The following PAX2 variants were observed in gnomAD, a reference collection of about 807,000 sequenced individuals.
The protein encoded by PAX2 is paired box 2.
In PAX2, 9 loss-of-function variants were observed where a neutral mutation model predicts 41.7. The observed-to-expected ratio is 0.22, with a 90% CI of 0.13 to 0.38. The LOEUF is 0.38. Among genes scored for constraint, PAX2 ranks in the 10% least tolerant of loss-of-function variants. The pLI is 1.00. For missense variants in PAX2, 418 were observed against 531.6 expected (o/e 0.79, Z 2.10); for synonymous variants, 221 against 212.7 (o/e 1.04, Z -0.34).
chr10:100,750,015 C>A lies in PAX2; in HGVS notation c.212+101C>A. On this transcript the variant is annotated intron_variant, in intron 2 of 9. Coordinates refer to ENST00000355243, the MANE Select transcript of PAX2 (RefSeq NM_000278.5). The surrounding 1 kb of genome is among the most constrained non-coding windows in gnomAD (Gnocchi z 4.1). Reference sequence around the variant, plus strand: ...GTGGCTAAAAGTCCAGCGTGCCAAGCCAGAGAGGGAGATCCCCAAAGGGGT... The same window carrying A: ...GTGGCTAAAAGTCCAGCGTGCCAAGACAGAGAGGGAGATCCCCAAAGGGGT... The A allele has an allele frequency of 7.3e-7, 1 of 1,362,310 alleles. No individual in the cohort carries two copies. Among genetic ancestry groups the A allele is most frequent in the Non-Finnish European group, 1.0e-6 (1 of 990,166 alleles). The allele number at this position is 1,362,310 out of a possible 1,614,324, so 84.4% of individuals were successfully genotyped here.
chr10:100,804,698 C>T (rs905510633), intron 5 of PAX2, among the ~76,000 whole-genome samples: 2 of 152,156 alleles, frequency 1.3e-5, no homozygotes, highest in Admixed American at 1.3e-4. Context: ...CACGCAGACC[C>T]TTGTTTATCT....
Position 100,806,423 on chromosome 10 carries a change from T to C in PAX2, c.617-7T>C. On this transcript the variant is annotated splice_region_variant and splice_polypyrimidine_tract_variant and intron_variant, in intron 5 of 9. Coordinates refer to ENST00000355243, the MANE Select transcript of PAX2 (RefSeq NM_000278.5). ...GCTAACGCCCCGAGTGTCCATGTGT[T>C]CTCCAGATGTGTCTGAGGGCTCAGT... is the stretch of plus-strand genomic sequence containing the variant. 6.2e-7 allele frequency: 1 copy of C among 1,614,168 alleles called. No individual in the cohort carries two copies. Among genetic ancestry groups the C allele is most frequent in the Non-Finnish European group, 8.5e-7 (1 of 1,179,986 alleles).
At chr10:100,809,872 G>C (rs1364480293) in intron 7 of PAX2, among the ~76,000 whole-genome samples, 2 of 152,212 alleles carry the variant, frequency 1.3e-5, no homozygotes, top group African/African-American at 4.8e-5. Flanking sequence ...ATGGCCAGGA[G>C]CCCCTACAAA....
Position 100,827,926 on chromosome 10 carries a change from G to C in PAX2, c.*307G>C, listed in dbSNP as rs1284451601. On this transcript the variant is annotated 3_prime_UTR_variant, in exon 10 of 10. Transcript: ENST00000355243. This position sits in a 1 kb window ranked among gnomAD's most constrained non-coding sequence, Gnocchi z 8.5. ...AGGGGGATTCGGCCCAGCTCGTCCC[G>C]GCCTCCACCAAGCCAGCCCCGAAGC... 2.6e-6 allele frequency: 1 copy of C among 383,590 alleles called. No individual in the cohort carries two copies. The allele number at this position is 383,590 out of a possible 1,614,324, so 23.8% of individuals were successfully genotyped here. A position where few individuals can be genotyped will look rare whatever the true frequency, so the allele number is the denominator to read the frequency against.
At chr10:100,740,985 C>A (rs916671959), upstream of PAX2, among the ~76,000 whole-genome samples, 11 of 152,340 alleles carry the variant, frequency 7.2e-5, no homozygotes, top group African/African-American at 2.6e-4. Flanking sequence ...GCGGTAGCCA[C>A]CTGGCTGGCC....
intron 3 of PAX2, among the ~76,000 whole-genome samples, chr10:100,754,328 G>C (rs1564709117): frequency 6.6e-6 from 1 of 152,140 alleles, no homozygotes. Flanking sequence ...ATCCCCCGAG[G>C]GTGCTCTTTT....
Position 100,746,154 on chromosome 10 carries a change from A to G in PAX2, c.-107A>G, listed in dbSNP as rs1212130570. On this transcript the variant is annotated 5_prime_UTR_variant, in exon 1 of 10. Transcript: ENST00000355243. ...CCCCGCAGCAGCCGGGCGTTCACTC[A>G]TCCTCCCTCCCCCACCGTCCCTCCC... 6 of 1,525,012 alleles carry G rather than the reference A, an allele frequency of 3.9e-6. No homozygotes were observed. The East Asian group carries it at 1.4e-4, about 37-fold the overall frequency. The allele number at this position is 1,525,012 out of a possible 1,614,324, so 94.5% of individuals were successfully genotyped here.
upstream of PAX2, among the ~76,000 whole-genome samples, chr10:100,742,835 C>CTTCTTTTTTTT (rs1845011267): frequency 1.7e-5 from 1 of 59,112 alleles, no homozygotes; most frequent in Non-Finnish European, 3.6e-5. Flanking sequence ...CTTTCCTCTT[C>CTTCTTTTTTTT]TTTCTTCCTT....
intron 3 of PAX2, among the ~76,000 whole-genome samples, chr10:100,764,602 G>C (rs1253091491): frequency 6.6e-6 from 1 of 152,154 alleles, no homozygotes; most frequent in African/African-American, 2.4e-5. Flanking sequence ...GACCCTCTAT[G>C]ATTCAGTAAT....
intron 5 of PAX2, among the ~76,000 whole-genome samples, chr10:100,794,159 G>A (rs1847239170): frequency 1.3e-5 from 2 of 152,186 alleles, no homozygotes; most frequent in Non-Finnish European, 2.9e-5. Context: ...CAACAGTTCT[G>A]CCTGAAAGGC....
chr10:100,821,558 A>G (rs74152689), intron 7 of PAX2, among the ~76,000 whole-genome samples: 1,594 of 152,364 alleles, frequency 0.01, 30 homozygotes, highest in African/African-American at 0.036. Flanking sequence ...TTCAGCATGC[A>G]AAAGTTCCTA....
intron 6 of PAX2, among the ~76,000 whole-genome samples, chr10:100,808,876 C>T (rs1394908122): frequency 6.6e-6 from 1 of 152,164 alleles, no homozygotes; most frequent in African/African-American, 2.4e-5. Context: ...AGGGTGCTGG[C>T]ATTAAGTGCC....
chr10:100,812,129 G>A (rs992138900), intron 7 of PAX2, among the ~76,000 whole-genome samples: 5 of 152,210 alleles, frequency 3.3e-5, no homozygotes, highest in Admixed American at 3.3e-4. Flanking sequence ...CCGGAGGCTA[G>A]GGCTCAGCCC....
chr10:100,746,136 G>A lies in PAX2; in HGVS notation c.-125G>A, dbSNP rs1346787072. ...GCCCCCCGCCCCCGCGCGCCCCGCA[G>A]CAGCCGGGCGTTCACTCATCCTCCC... On this transcript the variant is annotated 5_prime_UTR_variant, in exon 1 of 10. Coordinates refer to ENST00000355243, the MANE Select transcript of PAX2 (RefSeq NM_000278.5). The A allele has an allele frequency of 9.2e-6, 14 of 1,523,990 alleles. No homozygotes were observed. Among genetic ancestry groups the A allele is most frequent in the Admixed American group, 5.4e-5 (3 of 55,824 alleles). The allele number at this position is 1,523,990 out of a possible 1,614,324, so 94.4% of individuals were successfully genotyped here.
chr10:100,740,261 G>A (rs1844906165), intron 1 of PAX2, among the ~76,000 whole-genome samples: 1 of 152,174 alleles, frequency 6.6e-6, no homozygotes, highest in African/African-American at 2.4e-5. Context: ...CCCGGCTGTT[G>A]GTGGTGGTGG....
intron 3 of PAX2, among the ~76,000 whole-genome samples, chr10:100,759,116 C>T (rs1034283696): frequency 3.9e-5 from 6 of 152,078 alleles, no homozygotes; most frequent in African/African-American, 1.4e-4. Context: ...GCAAGGGGAG[C>T]TTGGATTTGC....
At chr10:100,809,545 A>G (rs543347855) in intron 7 of PAX2, among the ~76,000 whole-genome samples, 3 of 152,316 alleles carry the variant, frequency 2.0e-5, no homozygotes, top group South Asian at 4.1e-4. Flanking sequence ...GCCCAGAATC[A>G]TGAGCCTCTT....
In PAX2 at chr10:100,748,284, G is replaced by C; in HGVS notation, c.44-1462G>C. 3.0e-6 allele frequency: 3 copies of C among 985,076 alleles called. No homozygotes were observed. Among genetic ancestry groups the C allele is most frequent in the Non-Finnish European group, 3.6e-6 (3 of 829,750 alleles). 61.0% of individuals were successfully genotyped at this position (985,076 alleles called of 1,614,324 possible). On this transcript the variant is annotated intron_variant, in intron 1 of 9. Transcript: ENST00000355243. The surrounding 1 kb of genome is among the most constrained non-coding windows in gnomAD (Gnocchi z 5.0). ...CTAAATTATTGATGGTCGGGGTTTGGAGGGAGGGGAGGGTGAGAAGTGGGG... is the reference window on the plus strand; with the variant it reads ...CTAAATTATTGATGGTCGGGGTTTGCAGGGAGGGGAGGGTGAGAAGTGGGG...
intron 3 of PAX2, among the ~76,000 whole-genome samples, chr10:100,776,733 C>T (rs576277410): frequency 2.0e-5 from 3 of 152,290 alleles, no homozygotes; most frequent in Middle Eastern, 3.4e-3. Context: ...AACCAGTCAC[C>T]TCCCTATAGC....
Sources: allele counts gnomAD v4.1 joint callset (sites outside exome capture counted in the v4.1 genomes callset), GRCh38; gene constraint gnomAD v4.1.1; non-coding constraint Gnocchi (gnomAD v3.1); transcripts MANE v1.5; gene names NCBI Gene and HGNC (gene_info 2026-07-23, HGNC 2026-07-21).